Variants in ASXL1 observed in about 807,000 individuals in gnomAD.
The protein encoded by ASXL1 is ASXL transcriptional regulator 1, also known as polycomb group protein ASXL1.
In ASXL1, 65 loss-of-function variants were observed where a neutral mutation model predicts 89.1. The observed-to-expected ratio is 0.73, with a 90% CI of 0.60 to 0.90. ASXL1 has a LOEUF of 0.90. Among genes scored for constraint, ASXL1 ranks in the 40% least tolerant of loss-of-function variants. The probability of loss-of-function intolerance (pLI) is 0.00; values close to 1 mark genes in which losing one functional copy is unlikely to be tolerated. For missense variants in ASXL1, 1,786 were observed against 1,942.9 expected, an observed-to-expected ratio of 0.92 and a Z score of 1.52; for synonymous variants, 739 against 746.9, an observed-to-expected ratio of 0.99 and a Z score of 0.17.
At position 32,418,809 on chromosome 20, in the gene ASXL1, C is replaced by CTTTT. The variant is rs71338437; in HGVS notation, c.253-9281_253-9278dup. Among the ~76,000 whole-genome samples the CTTTT allele has an allele frequency of 2.1e-3, 119 of 55,746 alleles. 9 individuals are homozygous for CTTTT. Among genetic ancestry groups the CTTTT allele is most frequent in the Non-Finnish European group, 2.7e-3 (84 of 30,754 alleles). The allele number at this position is 55,746 out of a possible 152,430, so 36.6% of individuals were successfully genotyped here. ...AAATCAAAATGGGAAGAATTGACAT[C>CTTTT]TTTTTTTTTTTTTTTTTTTTTTTTT... On this transcript the variant is annotated intron_variant, in intron 4 of 12. Transcript: ENST00000375687.
chr20:32,431,491 A>G lies in ASXL1; in HGVS notation c.882+7A>G, dbSNP rs1183979741. 2 of 1,613,956 alleles carry G rather than the reference A, an allele frequency of 1.2e-6. No individual in the cohort carries two copies. The highest frequency in any genetic ancestry group is 1.7e-5 in the Admixed American group (1 of 60,008). ...GCCTGAAGTAGACAGACAGGTGCAC[A>G]TGGGCAGCCTCCCCTTTGCCTCTCT... On this transcript the variant is annotated splice_region_variant and intron_variant, in intron 9 of 12. Coordinates refer to ENST00000375687, the MANE Select transcript of ASXL1 (RefSeq NM_015338.6).
rs144289858 is a variant in ASXL1, at chr20:32,428,779, G to A, written c.471+357G>A. The stretch of plus-strand genomic sequence containing the variant: ...GGGTTCAAGCAATTCTCCTGCCTCA[G>A]CCTCCCGAGTAGCTGGGATTACAGG... On this transcript the variant is annotated intron_variant, in intron 6 of 12. Transcript: ENST00000375687. 1.4e-5 allele frequency: 4 copies of A among 294,698 alleles called. No homozygotes were observed. The Admixed American group carries it at 2.1e-4, about 16-fold the overall frequency. 18.3% of individuals were successfully genotyped at this position (294,698 alleles called of 1,614,324 possible).
At chr20:32,400,833 A>G (rs938500025) in intron 4 of ASXL1, among the ~76,000 whole-genome samples, 12 of 152,032 alleles carry the variant, frequency 7.9e-5, no homozygotes, top group Admixed American at 6.5e-5. Flanking sequence ...CCATCATAGG[A>G]CTCATATCTT....
intron 1 of ASXL1, chr20:32,359,514 C>T (rs2048073743): frequency 1.5e-6 from 1 of 646,134 alleles, no homozygotes; most frequent in African/African-American, 1.8e-5. Context: ...CTTTCACCAG[C>T]TTCCCAGGTG....
chr20:32,383,963 T>C (rs534049684), intron 4 of ASXL1, among the ~76,000 whole-genome samples: 1 of 152,316 alleles, frequency 6.6e-6, no homozygotes, highest in African/African-American at 2.4e-5. Context: ...TCTCTTGGGC[T>C]AAAAACCAGT....
intron 4 of ASXL1, chr20:32,371,676 G>A (rs1389396465): frequency 2.6e-5 from 10 of 377,518 alleles, no homozygotes; most frequent in South Asian, 1.2e-4. Flanking sequence ...TATAATCATA[G>A]CTCACCGTAG....
At chr20:32,378,313 C>G (rs1001342611) in intron 4 of ASXL1, among the ~76,000 whole-genome samples, 3 of 152,000 alleles carry the variant, frequency 2.0e-5, no homozygotes, top group Admixed American at 1.3e-4. Context: ...AACCACCATG[C>G]CCAGCCTTTG....
In ASXL1 at chr20:32,358,420, C is replaced by G; in HGVS notation, c.-356C>G. 4.3e-6 allele frequency: 1 copy of G among 233,912 alleles called. No homozygotes were observed. Among genetic ancestry groups the G allele is most frequent in the African/African-American group, 2.2e-5 (1 of 45,328 alleles). The allele number at this position is 233,912 out of a possible 1,614,324, so 14.5% of individuals were successfully genotyped here. On this transcript the variant is annotated 5_prime_UTR_variant, in exon 1 of 13. Transcript: ENST00000375687. ...CTCGCCCTCCCGCCCCGCCGTCGGTCCTGTCTCAGTCCCTCAGCAGAGCGG... is the reference window on the plus strand; with the variant it reads ...CTCGCCCTCCCGCCCCGCCGTCGGTGCTGTCTCAGTCCCTCAGCAGAGCGG...
intron 4 of ASXL1, among the ~76,000 whole-genome samples, chr20:32,376,448 G>T (rs185771880): frequency 2.6e-5 from 4 of 151,176 alleles, no homozygotes; most frequent in Non-Finnish European, 5.9e-5. Flanking sequence ...CTAATTTTTT[G>T]TATTTTTAGT....
At chr20:32,395,350 AT>A (rs1373128992) in intron 4 of ASXL1, among the ~76,000 whole-genome samples, 1 of 151,894 alleles carries the variant, frequency 6.6e-6, no homozygotes, top group Non-Finnish European at 1.5e-5. Flanking sequence ...AGCTTGCATT[AT>A]TTCTCCTGTA....
At chr20:32,424,561 C>G (rs970834784) in intron 4 of ASXL1, among the ~76,000 whole-genome samples, 1 of 152,032 alleles carries the variant, frequency 6.6e-6, no homozygotes, top group Admixed American at 6.6e-5. Flanking sequence ...AAACTGCCAC[C>G]TAGAGATGGT....
intron 6 of ASXL1, chr20:32,428,931 G>A (rs2011429759): frequency 3.0e-6 from 1 of 331,674 alleles, no homozygotes; most frequent in East Asian, 7.8e-5. Flanking sequence ...AAAGTGCTGG[G>A]ATTACAGGTG....
chr20:32,412,117 C>T (rs915247397), intron 4 of ASXL1, among the ~76,000 whole-genome samples: 14 of 152,172 alleles, frequency 9.2e-5, no homozygotes, highest in Admixed American at 7.2e-4. Flanking sequence ...ATGTATACAT[C>T]TGTACCTGTT....
At chr20:32,359,083 G>T in intron 1 of ASXL1, 2 of 593,600 alleles carry the variant, frequency 3.4e-6, no homozygotes, top group Non-Finnish European at 3.0e-6. Flanking sequence ...GCGGAGGGGC[G>T]AGCTGGCAGG....
chr20:32,393,525 G>A (rs1202456632), intron 4 of ASXL1, among the ~76,000 whole-genome samples: 1 of 152,108 alleles, frequency 6.6e-6, no homozygotes, highest in African/African-American at 2.4e-5. Context: ...AGGCTGCAGT[G>A]CAGTGGCACG....
chr20:32,385,042 C>T (rs1266668554), intron 4 of ASXL1, among the ~76,000 whole-genome samples: 1 of 151,784 alleles, frequency 6.6e-6, no homozygotes, highest in Non-Finnish European at 1.5e-5. Flanking sequence ...TCAGATCAGG[C>T]TTTTGGGGAG....
Position 32,435,355 on chromosome 20 carries a change from AC to A in ASXL1, c.2644del (p.Gln882LysfsTer4), listed in dbSNP as rs754508556. On this transcript the variant is annotated frameshift_variant, in exon 13 of 13. Coordinates refer to ENST00000375687, the MANE Select transcript of ASXL1 (RefSeq NM_015338.6). LOFTEE classifies it low-confidence loss of function (END_TRUNC). ...CPPMRESDTR[Q>X]ENLKTKALVS... ...CTCCTATGAGGGAAAGTGATACTAG[AC>A]AAGAAAACTTGAAAACCAAGGCTCT... is the stretch of plus-strand genomic sequence containing the variant. The A allele has an allele frequency of 6.2e-7, 1 of 1,614,176 alleles. No individual in the cohort carries two copies. The highest frequency in any genetic ancestry group is 8.5e-7 in the Non-Finnish European group (1 of 1,180,044).
intron 4 of ASXL1, among the ~76,000 whole-genome samples, chr20:32,389,727 A>T (rs547300103): frequency 6.6e-6 from 1 of 152,120 alleles, no homozygotes; most frequent in Non-Finnish European, 1.5e-5. Flanking sequence ...TTGGGATTAC[A>T]GGTGCCTGCC....
At chr20:32,408,818 A>G (rs2048998092) in intron 4 of ASXL1, among the ~76,000 whole-genome samples, 1 of 152,182 alleles carries the variant, frequency 6.6e-6, no homozygotes, top group Admixed American at 6.5e-5. Flanking sequence ...TGTAGGGAGA[A>G]TTAACTTCTC....
Sources: gnomAD v4.1 joint callset for allele counts (sites outside exome capture counted in the v4.1 genomes callset) on GRCh38, gnomAD v4.1.1 for gene constraint, MANE v1.5 for transcripts, NCBI Gene and HGNC (gene_info 2026-07-23, HGNC 2026-07-21) for gene names.